The following KIAA0319L variants were observed in gnomAD, a reference collection of about 807,000 sequenced individuals.
The protein encoded by KIAA0319L is KIAA0319 like, also known as dyslexia-associated protein KIAA0319-like protein.
KIAA0319L carries 55 observed loss-of-function variants against 120.1 expected under a neutral mutation model. The ratio of observed to expected loss-of-function variants is 0.46; its 90% confidence interval spans 0.37 to 0.57. KIAA0319L has a LOEUF of 0.57. Among genes scored for constraint, KIAA0319L ranks in the 20% least tolerant of loss-of-function variants. KIAA0319L has a pLI of 0.00. For synonymous variants in KIAA0319L, 398 were observed against 471.9 expected (o/e 0.84, Z 2.03); for missense variants, 1,049 against 1,255.3 (o/e 0.84, Z 2.48).
chr1:35,515,498 G>GTTAT (rs1463538313), intron 2 of KIAA0319L, among the ~76,000 whole-genome samples: 1 of 152,090 alleles, frequency 6.6e-6, no homozygotes, highest in African/African-American at 2.4e-5. Flanking sequence ...AAATCAAGAA[G>GTTAT]TTATTTGAAA....
At chr1:35,517,514 A>C (rs927820919) in intron 2 of KIAA0319L, among the ~76,000 whole-genome samples, 4 of 152,232 alleles carry the variant, frequency 2.6e-5, no homozygotes, top group African/African-American at 9.6e-5. Context: ...AGCCATATGC[A>C]GAAGATTAAA....
intron 2 of KIAA0319L, among the ~76,000 whole-genome samples, chr1:35,543,210 C>G (rs866787621): frequency 3.0e-4 from 45 of 152,274 alleles, no homozygotes; most frequent in African/African-American, 9.6e-4. Context: ...TCAATGCTAG[C>G]TGAATTTTAG....
intron 6 of KIAA0319L, among the ~76,000 whole-genome samples, chr1:35,469,690 C>A (rs925779491): frequency 4.0e-5 from 6 of 151,802 alleles, no homozygotes; most frequent in African/African-American, 1.5e-4. Context: ...TCTGCACTGA[C>A]CTAGTGTGCC....
intron 2 of KIAA0319L, among the ~76,000 whole-genome samples, chr1:35,541,688 G>C (rs1002393112): frequency 6.6e-6 from 1 of 152,128 alleles, no homozygotes; most frequent in African/African-American, 2.4e-5. Context: ...AAGTGTTGTT[G>C]AATCAGCCCC....
rs142804525 is a variant in KIAA0319L, at chr1:35,512,111, A to G, written c.143-4976T>C. ...ATGGCAAAACCCCGTCACTACTAAA[A>G]ATACAAAAATTAGCCAGGTGTGGTG... On this transcript the variant is annotated intron_variant, in intron 2 of 20. Transcript: ENST00000325722. Among the ~76,000 whole-genome samples the G allele has an allele frequency of 1.4e-3, 214 of 152,094 alleles. 2 individuals are homozygous for G. Among genetic ancestry groups the G allele is most frequent in the Middle Eastern group, 6.8e-3 (2 of 294 alleles).
intron 19 of KIAA0319L, 31 bp downstream of exon 19, chr1:35,442,215 C>T (rs918855263): frequency 3.9e-6 from 6 of 1,521,914 alleles, no homozygotes; most frequent in East Asian, 4.5e-5. Flanking sequence ...ACAAGAAGCC[C>T]GAATGAATTT....
intron 3 of KIAA0319L, among the ~76,000 whole-genome samples, chr1:35,481,601 T>C (rs1239122081): frequency 6.6e-6 from 1 of 152,102 alleles, no homozygotes; most frequent in East Asian, 1.9e-4. Context: ...ATCCAAATTT[T>C]TACCCCCCCT....
intron 2 of KIAA0319L, among the ~76,000 whole-genome samples, chr1:35,527,159 T>C (rs983953191): frequency 6.7e-6 from 1 of 148,924 alleles, no homozygotes; most frequent in African/African-American, 2.6e-5. Context: ...ACACGGTTTT[T>C]GTCCTCCATT....
chr1:35,529,611 T>G (rs1646284320), intron 2 of KIAA0319L, among the ~76,000 whole-genome samples: 1 of 152,254 alleles, frequency 6.6e-6, no homozygotes, highest in South Asian at 2.1e-4. Context: ...GTTTTTTCCC[T>G]TCAGCACTTT....
rs1487237291 is a variant in KIAA0319L at position 35,456,201 on chromosome 1, T to C, written c.1468A>G (p.Thr490Ala). 7 of 1,608,332 alleles carry C rather than the reference T, an allele frequency of 4.4e-6. No individual in the cohort carries two copies. The highest frequency in any genetic ancestry group is 1.1e-5 in the South Asian group (1 of 90,236). ...GCTTTGTTCACTGTCAGGTTTGCAGTAGTAGAGTTGGTAGCTCCATCAGAG... is the reference window on the plus strand; with the variant it reads ...GCTTTGTTCACTGTCAGGTTTGCAGCAGTAGAGTTGGTAGCTCCATCAGAG... ...VDSDGATNSTTANLTVNKAVD... is the reference protein window; with the variant it reads ...VDSDGATNSTAANLTVNKAVD... The change falls in exon 10 of 21, where the codon ACT (threonine) becomes GCT (alanine). Residue 490 changes from threonine (T) to alanine (A), a missense_variant. Transcript: ENST00000325722.
In KIAA0319L at chr1:35,497,237, CAA is replaced by C. The variant is rs377319886; in HGVS notation, c.666+9373_666+9374del. Among the ~76,000 whole-genome samples the C allele has an allele frequency of 1.4e-3, 155 of 113,788 alleles. 1 individual carries two copies. The highest frequency in any genetic ancestry group is 4.2e-3 in the African/African-American group (136 of 32,750). 74.6% of individuals were successfully genotyped at this position (113,788 alleles called of 152,430 possible). A position where few individuals can be genotyped will look rare whatever the true frequency, so the allele number is the denominator to read the frequency against. ...ATCAAACTGTACGGCAGGAAAAAGA[CAA>C]AAAAAAAAAAGATGAAATGTTATCA... On this transcript the variant is annotated intron_variant, in intron 3 of 20. Coordinates refer to ENST00000325722, the MANE Select transcript of KIAA0319L (RefSeq NM_024874.5).
intron 17 of KIAA0319L, 154 bp downstream of exon 17, chr1:35,444,007 G>C: frequency 1.7e-6 from 1 of 583,824 alleles, no homozygotes; most frequent in East Asian, 3.2e-5. Context: ...CCCCAGTGAT[G>C]AATCAGGACT....
intron 14 of KIAA0319L, 80 bp from the exon 15 acceptor site, chr1:35,450,085 A>G: frequency 6.5e-7 from 1 of 1,542,678 alleles, no homozygotes; most frequent in Non-Finnish European, 8.9e-7. Context: ...TTTCACCATA[A>G]CTAGGCCCTT....
At chr1:35,448,707 A>G (rs2297868) in intron 15 of KIAA0319L, among the ~76,000 whole-genome samples, 4,058 of 152,176 alleles carry the variant, frequency 0.027, 223 homozygotes, top group East Asian at 0.25. Context: ...TTATTAAGCA[A>G]TCTCTCCTGA....
chr1:35,466,576 G>A (rs1166269409), intron 7 of KIAA0319L, 32 bp downstream of exon 7: 2 of 1,455,698 alleles, frequency 1.4e-6, no homozygotes, highest in African/African-American at 1.4e-5. Context: ...GCAGAGGGAG[G>A]AAGGGAGACA....
intron 2 of KIAA0319L, chr1:35,510,681 C>T (rs1171929888): frequency 1.3e-5 from 2 of 151,826 alleles, no homozygotes; most frequent in Non-Finnish European, 2.9e-5. Context: ...CATCATGACT[C>T]GATGCAGCCT....
chr1:35,465,059 T>G (rs888500344), intron 7 of KIAA0319L, among the ~76,000 whole-genome samples: 2 of 152,232 alleles, frequency 1.3e-5, no homozygotes, highest in African/African-American at 4.8e-5. Flanking sequence ...GAACCTCTGC[T>G]AGGGCAGTGC....
At chr1:35,461,862 A>G (rs1642916707) in intron 8 of KIAA0319L, among the ~76,000 whole-genome samples, 1 of 152,030 alleles carries the variant, frequency 6.6e-6, no homozygotes, top group African/African-American at 2.4e-5. Context: ...CACCATCAAC[A>G]TCAAACGCTT....
At position 35,435,099 on chromosome 1, in the gene KIAA0319L, A is replaced by C. The variant is rs781763233; in HGVS notation, c.2963-18T>G. ...TTTGATGCCTGCAGGGAAAACAAGG[A>C]ATCCAGCATCAGGAGACTGGCCTCA... On this transcript the variant is annotated intron_variant, in intron 20 of 20. Transcript: ENST00000325722. The C allele has an allele frequency of 4.3e-6, 7 of 1,611,004 alleles. No individual in the cohort carries two copies. The highest frequency in any genetic ancestry group is 5.9e-6 in the Non-Finnish European group (7 of 1,178,060).
Sources: allele counts gnomAD v4.1 joint callset (sites outside exome capture counted in the v4.1 genomes callset), GRCh38; gene constraint gnomAD v4.1.1; transcripts MANE v1.5; gene names NCBI Gene and HGNC (gene_info 2026-07-23, HGNC 2026-07-21).